The following MYO9A variants were observed in gnomAD, a reference collection of about 807,000 sequenced individuals.
MYO9A encodes myosin IXA, also known as unconventional myosin-IXa.
A neutral mutation model predicts 293.3 loss-of-function variants in MYO9A; 103 were observed. That is an observed-to-expected ratio of 0.35 (90% CI 0.30 to 0.41). MYO9A has a LOEUF of 0.41. MYO9A is among the 10% of genes least tolerant of loss of function. The pLI, the probability that MYO9A is intolerant of heterozygous loss-of-function variation, is 1.00. For synonymous variants in MYO9A, 1,001 were observed against 1,035.7 expected, an observed-to-expected ratio of 0.97 and a Z score of 0.64; for missense variants, 2,685 against 3,033.0, an observed-to-expected ratio of 0.89 and a Z score of 2.69.
At chr15:71,908,801 C>CT (rs147218871) in intron 19 of MYO9A, among the ~76,000 whole-genome samples, 9 of 152,282 alleles carry the variant, frequency 5.9e-5, no homozygotes, top group African/African-American at 2.2e-4. Flanking sequence ...AGGGTTCACT[C>CT]TTTATGTTGC....
chr15:72,037,213 A>G (rs1319947414), intron 2 of MYO9A, among the ~76,000 whole-genome samples: 1 of 148,894 alleles, frequency 6.7e-6, no homozygotes, highest in African/African-American at 2.5e-5. Context: ...AATCAGAAGC[A>G]ATTGTTTAAA....
chr15:72,039,507 TA>T (rs1263216827), intron 2 of MYO9A, among the ~76,000 whole-genome samples: 23 of 152,212 alleles, frequency 1.5e-4, no homozygotes, highest in Admixed American at 1.1e-3. Context: ...ATTTACAAAC[TA>T]AACACAAATC....
intron 8 of MYO9A, among the ~76,000 whole-genome samples, chr15:72,003,106 C>T (rs2076914641): frequency 6.6e-6 from 1 of 151,494 alleles, no homozygotes; most frequent in South Asian, 2.1e-4. Context: ...TCCGTCTCTA[C>T]TAAAAATACA....
intron 29 of MYO9A, among the ~76,000 whole-genome samples, chr15:71,880,073 C>T (rs542048578): frequency 5.3e-5 from 8 of 152,282 alleles, no homozygotes; most frequent in South Asian, 2.1e-4. Flanking sequence ...AGAAAACTCC[C>T]GTGTGCAACA....
intron 10 of MYO9A, among the ~76,000 whole-genome samples, chr15:71,994,067 A>C (rs1488161773): frequency 6.6e-6 from 1 of 152,218 alleles, no homozygotes; most frequent in Non-Finnish European, 1.5e-5. Context: ...AATAAAACAA[A>C]ATCTATTTTT....
chr15:71,943,966 C>T (rs2058846759), intron 15 of MYO9A, among the ~76,000 whole-genome samples: 1 of 152,008 alleles, frequency 6.6e-6, no homozygotes, highest in Admixed American at 6.6e-5. Flanking sequence ...ATAACTGTAC[C>T]ATTTGACAGT....
At chr15:71,954,548 T>C (rs1389687928) in intron 14 of MYO9A, among the ~76,000 whole-genome samples, 1 of 152,254 alleles carries the variant, frequency 6.6e-6, no homozygotes, top group Non-Finnish European at 1.5e-5. Context: ...TATTTGCTTA[T>C]GCTAGTTGCT....
At chr15:72,089,532 C>G (rs1233984090) in intron 1 of MYO9A, among the ~76,000 whole-genome samples, 1 of 152,014 alleles carries the variant, frequency 6.6e-6, no homozygotes, top group Admixed American at 6.6e-5. Flanking sequence ...ATAATCCCAG[C>G]ACTCTGGGAA....
chr15:72,114,933 A>G (rs184892510), intron 1 of MYO9A, among the ~76,000 whole-genome samples: 1 of 152,344 alleles, frequency 6.6e-6, no homozygotes, highest in Non-Finnish European at 1.5e-5. Context: ...GCTATTAAAG[A>G]CTGAACAAAC....
At position 71,830,286 on chromosome 15, in the gene MYO9A, T is replaced by C. The variant is rs2054667693; in HGVS notation, c.6863A>G (p.Asn2288Ser). 2.5e-6 allele frequency: 4 copies of C among 1,613,662 alleles called. No homozygotes were observed. The highest frequency in any genetic ancestry group is 4.5e-5 in the East Asian group (2 of 44,868). ...AACAGGAGACGATGGACCTGGATAG[T>C]TTCCTCGACGAATACGCCCCTTTCC... The part of the protein sequence containing the change: ...SMGKGRIRRG[N>S]YPGPSSPVVV... Residue 2288 changes from asparagine (N) to serine (S), a missense_variant, in exon 40 of 42, where the codon AAC becomes AGC. By Grantham distance (46) the Asn-to-Ser change is conservative. Around this residue, in one of 10 missense-constraint regions of MYO9A, gnomAD observed 350 missense variants for 328.9 expected, o/e 1.06. Transcript: ENST00000356056.
At chr15:71,966,697 G>C (rs956935838) in intron 13 of MYO9A, among the ~76,000 whole-genome samples, 2 of 152,008 alleles carry the variant, frequency 1.3e-5, no homozygotes, top group Admixed American at 1.3e-4. Flanking sequence ...CCACTCCAGT[G>C]CTTCAGTTTA....
Position 71,935,460 on chromosome 15 carries a change from A to G in MYO9A, c.2403T>C (p.Asn801=). ...NQHDTFDIAW[N]GRTGIRQSRL... ...TGCTCTGGCGAATCCCAGTTCTGCC[A>G]TTCCAGGCAATATCAAATGTATCAC... Residue 801 remains asparagine, a synonymous_variant, in exon 17 of 42, where the codon AAT becomes AAC. Coordinates refer to ENST00000356056, the MANE Select transcript of MYO9A (RefSeq NM_006901.4). 1 of 1,613,520 alleles carries G rather than the reference A, an allele frequency of 6.2e-7. No homozygotes were observed. The highest frequency in any genetic ancestry group is 8.5e-7 in the Non-Finnish European group (1 of 1,179,612).
intron 1 of MYO9A, among the ~76,000 whole-genome samples, chr15:72,105,241 G>A (rs2080525070): frequency 6.6e-6 from 1 of 152,020 alleles, no homozygotes. Context: ...AAGAGACAGG[G>A]TCTTGCTCTA....
intron 39 of MYO9A, among the ~76,000 whole-genome samples, chr15:71,842,422 G>A (rs1329093720): frequency 6.6e-6 from 1 of 151,800 alleles, no homozygotes; most frequent in Non-Finnish European, 1.5e-5. Context: ...CCTAAGTTTG[G>A]TACTATTAAC....
At chr15:71,919,396 T>G (rs1486662456) in intron 18 of MYO9A, among the ~76,000 whole-genome samples, 1 of 151,932 alleles carries the variant, frequency 6.6e-6, no homozygotes, top group African/African-American at 2.4e-5. Context: ...TGAACCAGGA[T>G]CGCACCACTG....
At chr15:71,953,758 A>G (rs931626614) in intron 14 of MYO9A, 3 of 152,170 alleles carry the variant, frequency 2.0e-5, no homozygotes, top group Non-Finnish European at 4.4e-5. Flanking sequence ...TCTAAATCTT[A>G]AAGTGATATT....
At chr15:71,953,342 C>T (rs2146641276) in intron 14 of MYO9A, among the ~76,000 whole-genome samples, 1 of 152,322 alleles carries the variant, frequency 6.6e-6, no homozygotes, top group South Asian at 2.1e-4. Flanking sequence ...GAGGAAAAAA[C>T]ACCCAGTGAG....
chr15:72,092,327 T>C (rs1379919100), intron 1 of MYO9A, among the ~76,000 whole-genome samples: 1 of 152,220 alleles, frequency 6.6e-6, no homozygotes, highest in African/African-American at 2.4e-5. Flanking sequence ...GCTTTGGCAC[T>C]GAGCAGAAAA....
intron 19 of MYO9A, among the ~76,000 whole-genome samples, chr15:71,910,087 C>T (rs1352932487): frequency 2.1e-5 from 3 of 143,636 alleles, no homozygotes; most frequent in Admixed American, 7.0e-5. Flanking sequence ...TATATATACA[C>T]GTATATATAT....
Sources: gnomAD v4.1 joint callset for allele counts (sites outside exome capture counted in the v4.1 genomes callset) on GRCh38, gnomAD v4.1.1 for gene constraint, gnomAD v4.1.1 regional missense constraint, MANE v1.5 for transcripts, NCBI Gene and HGNC (gene_info 2026-07-23, HGNC 2026-07-21) for gene names.